Variants in ADAMTS9 observed in about 807,000 individuals in gnomAD.
The protein encoded by ADAMTS9 is A disintegrin and metalloproteinase with thrombospondin motifs 9.
In ADAMTS9, 107 loss-of-function variants were observed where a neutral mutation model predicts 257.1. That is an observed-to-expected ratio of 0.42 (90% CI 0.36 to 0.49). The LOEUF is 0.49. Ranked by LOEUF, ADAMTS9 falls within the 20% of genes least tolerant of loss-of-function variation. The pLI, the probability that ADAMTS9 is intolerant of heterozygous loss-of-function variation, is 0.03. For synonymous variants in ADAMTS9, 982 were observed against 880.9 expected (o/e 1.11, Z -2.03); for missense variants, 2,353 against 2,469.1 (o/e 0.95, Z 1.00).
intron 12 of ADAMTS9, among the ~76,000 whole-genome samples, chr3:64,639,307 TTTTTTAA>T (rs1700579875): frequency 6.9e-6 from 1 of 144,544 alleles, no homozygotes; most frequent in Non-Finnish European, 1.5e-5. Flanking sequence ...TTTTTTTTTT[TTTTTTAA>T]AAAAAAAAAA....
intron 30 of ADAMTS9, among the ~76,000 whole-genome samples, chr3:64,558,074 T>C (rs945197644): frequency 1.6e-4 from 24 of 152,054 alleles, no homozygotes; most frequent in African/African-American, 5.6e-4. Context: ...TTAGAAGGGG[T>C]AGGTGTTACA....
chr3:64,568,893 C>T (rs537863636), intron 28 of ADAMTS9: 1 of 201,836 alleles, frequency 5.0e-6, no homozygotes, highest in Non-Finnish European at 9.9e-6. Context: ...AACAAAATGC[C>T]TGTGATTCAC....
chr3:64,593,356 TA>T lies in ADAMTS9; in HGVS notation c.4356+901del, dbSNP rs1182839993. On this transcript the variant is annotated intron_variant, in intron 28 of 39. Transcript: ENST00000498707. ...TAAGACTTCTGAGAACCATACTGGGTAAAAAAACATTCTGGATATGACTTAA... is the reference window on the plus strand; with the variant it reads ...TAAGACTTCTGAGAACCATACTGGGTAAAAAACATTCTGGATATGACTTAA... Among the ~76,000 whole-genome samples the T allele has an allele frequency of 5.9e-5, 9 of 152,210 alleles. No individual in the cohort carries two copies. In the East Asian group the frequency reaches 1.4e-3, roughly 23 times the overall value.
In ADAMTS9 at chr3:64,673,084, G is replaced by A. The variant is rs141194270; in HGVS notation, c.679+8117C>T. ...GCTATGTACCACGTAGCCTAGGTGT[G>A]TGGTAGGCTATCCCATCTAGGTTTG... On this transcript the variant is annotated intron_variant, in intron 3 of 39. Transcript: ENST00000498707. Among the ~76,000 whole-genome samples the A allele has an allele frequency of 7.4e-4, 98 of 131,608 alleles. 2 individuals are homozygous for A. The highest frequency in any genetic ancestry group is 2.8e-3 in the African/African-American group (94 of 33,206). The allele number at this position is 131,608 out of a possible 152,430, so 86.3% of individuals were successfully genotyped here. A position where few individuals can be genotyped will look rare whatever the true frequency, so the allele number is the denominator to read the frequency against.
rs140269259 is a variant in ADAMTS9 at position 64,546,757 on chromosome 3, C to T, written c.5064+1G>A. 2.2e-5 allele frequency: 35 copies of T among 1,594,288 alleles called. No homozygotes were observed. Among genetic ancestry groups the T allele is most frequent in the Middle Eastern group, 1.9e-4 (1 of 5,290 alleles). On this transcript the variant is annotated splice_donor_variant, in intron 32 of 39. Transcript: ENST00000498707. LOFTEE classifies it high-confidence loss of function. Reference sequence around the variant, plus strand: ...ATTTGAGTGCTCAGTCTTCTACTTACGCTCCCCCAGTTGCCAACTCTCCAG... The same window carrying T: ...ATTTGAGTGCTCAGTCTTCTACTTATGCTCCCCCAGTTGCCAACTCTCCAG...
chr3:64,654,237 A>T, intron 8 of ADAMTS9, 116 bp downstream of exon 8: 1 of 1,044,106 alleles, frequency 9.6e-7, no homozygotes, highest in Non-Finnish European at 1.4e-6. Context: ...CTGCAACTCT[A>T]CTATGACTCG....
In ADAMTS9 at chr3:64,594,391, A is replaced by G; in HGVS notation, c.4223T>C (p.Val1408Ala). Residue 1408 changes from valine to alanine, a missense_variant, in exon 28 of 40, where the codon GTC becomes GCC. Val to Ala is a moderately conservative substitution (Grantham distance 64). Coordinates refer to ENST00000498707, the MANE Select transcript of ADAMTS9 (RefSeq NM_182920.2). ...CCGTTCACCGTTGGACCGCTGACAG[A>G]CCACCAGTCTTGTTCTTATGCCTCC... ...CGGGIRTRLV[V>A]CQRSNGERFP... 1 of 1,614,106 alleles carries G rather than the reference A, an allele frequency of 6.2e-7. No individual in the cohort carries two copies. The highest frequency in any genetic ancestry group is 8.5e-7 in the Non-Finnish European group (1 of 1,179,974).
chr3:64,683,257 G>A (rs561157060), intron 2 of ADAMTS9, among the ~76,000 whole-genome samples: 10 of 152,306 alleles, frequency 6.6e-5, no homozygotes, highest in African/African-American at 2.4e-4. Flanking sequence ...TTGGTAAATG[G>A]GGAAACCAAG....
intron 28 of ADAMTS9, among the ~76,000 whole-genome samples, chr3:64,570,695 C>CA (rs143048322): frequency 0.038 from 1,799 of 46,898 alleles, 163 homozygotes; most frequent in East Asian, 0.26. Flanking sequence ...GACTCCGTCT[C>CA]AAAAAAAAAA....
At chr3:64,642,957 G>A (rs946596036) in intron 11 of ADAMTS9, among the ~76,000 whole-genome samples, 16 of 152,118 alleles carry the variant, frequency 1.1e-4, no homozygotes, top group Non-Finnish European at 2.1e-4. Flanking sequence ...GGAATAGCAG[G>A]CCCCACCCCC....
intron 3 of ADAMTS9, among the ~76,000 whole-genome samples, chr3:64,676,521 TA>T (rs34790856): frequency 5.3e-5 from 8 of 151,214 alleles, no homozygotes; most frequent in South Asian, 2.1e-4. Context: ...AGTTTATCAT[TA>T]AAAAAAAATA....
chr3:64,525,659 G>A (rs1575977251), intron 38 of ADAMTS9, among the ~76,000 whole-genome samples: 1 of 152,012 alleles, frequency 6.6e-6, no homozygotes, highest in East Asian at 1.9e-4. Flanking sequence ...CACCCAGGCT[G>A]CAGTGCAATG....
chr3:64,650,867 CTTTT>C (rs35102734), intron 9 of ADAMTS9, 146 bp downstream of exon 9: 3,996 of 472,618 alleles, frequency 8.5e-3, no homozygotes, highest in East Asian at 9.8e-3. Flanking sequence ...TGTCAGAGAG[CTTTT>C]TTTTTTTTTT....
intron 3 of ADAMTS9, among the ~76,000 whole-genome samples, chr3:64,673,608 G>T (rs752393762): frequency 6.6e-6 from 1 of 152,160 alleles, no homozygotes; most frequent in Non-Finnish European, 1.5e-5. Flanking sequence ...TTGTAAAAAG[G>T]CATTTTGGGG....
chr3:64,648,010 T>G lies in ADAMTS9; in HGVS notation c.1640A>C (p.Asn547Thr). ...AGTCCGGCAGCCTTTGTGTACTCCATTGACGTTATTGCACCAGAGCCGTCT... is the reference window on the plus strand; with the variant it reads ...AGTCCGGCAGCCTTTGTGTACTCCAGTGACGTTATTGCACCAGAGCCGTCT... ...QCRRLWCNNV[N>T]GVHKGCRTQH... The change falls in exon 11 of 40, where the codon AAT becomes ACT. Residue 547 changes from asparagine (N) to threonine (T), a missense_variant. Asn to Thr is a moderately conservative substitution (Grantham distance 65). Coordinates refer to ENST00000498707, the MANE Select transcript of ADAMTS9 (RefSeq NM_182920.2). The G allele has an allele frequency of 6.2e-7, 1 of 1,613,504 alleles. No individual in the cohort carries two copies. The highest frequency in any genetic ancestry group is 8.5e-7 in the Non-Finnish European group (1 of 1,179,986).
At chr3:64,630,566 G>T (rs983311644) in intron 16 of ADAMTS9, among the ~76,000 whole-genome samples, 13 of 152,110 alleles carry the variant, frequency 8.5e-5, no homozygotes, top group Non-Finnish European at 1.8e-4. Flanking sequence ...GACAGAGTGA[G>T]ACCCTGTCCC....
intron 28 of ADAMTS9, among the ~76,000 whole-genome samples, chr3:64,579,219 A>C (rs560931551): frequency 4.1e-4 from 62 of 152,234 alleles, no homozygotes; most frequent in African/African-American, 1.4e-3. Context: ...CTTTGGTATC[A>C]CTAAGAGATG....
At position 64,524,248 on chromosome 3, in the gene ADAMTS9, A is replaced by C. The variant is rs369152520; in HGVS notation, c.5719-1988T>G. Among the ~76,000 whole-genome samples, 92 of 152,356 alleles carry C rather than the reference A, an allele frequency of 6.0e-4. 4 individuals are homozygous for C. The South Asian group carries it at 0.014, about 23-fold the overall frequency. On this transcript the variant is annotated intron_variant, in intron 38 of 39. Transcript: ENST00000498707. Reference sequence around the variant, plus strand: ...TCAAAATCCATTTAACTAGCAATTGAGGAGCTTCAATCTCATTTTCAATTG... The same window carrying C: ...TCAAAATCCATTTAACTAGCAATTGCGGAGCTTCAATCTCATTTTCAATTG...
rs939152861 is a variant in ADAMTS9, at chr3:64,604,080, T to C, written c.3589A>G (p.Thr1197Ala). 9.9e-6 allele frequency: 16 copies of C among 1,613,884 alleles called. 1 individual carries two copies. In the Middle Eastern group the frequency reaches 1.3e-3, roughly 133 times the overall value. Residue 1197 changes from threonine to alanine, a missense_variant, in exon 25 of 40, where the codon ACT becomes GCT. By Grantham distance (58) the Thr-to-Ala change is moderately conservative. Around this residue, in one of 3 missense-constraint regions of ADAMTS9, gnomAD observed 1,402 missense variants for 1,441.4 expected, o/e 0.97. Transcript: ENST00000498707. ...CTCATCCGGGTACCTTTCCCACAAGTGGCTGAGCACTGGGTGTTGGAGTAA... is the reference window on the plus strand; with the variant it reads ...CTCATCCGGGTACCTTTCCCACAAGCGGCTGAGCACTGGGTGTTGGAGTAA... ...RFGSWTPCSA[T>A]CGKGTRMRYV...
Sources: allele counts gnomAD v4.1 joint callset (sites outside exome capture counted in the v4.1 genomes callset), GRCh38; gene constraint gnomAD v4.1.1; regional missense constraint gnomAD v4.1.1; transcripts MANE v1.5; gene names NCBI Gene and HGNC (gene_info 2026-07-23, HGNC 2026-07-21).